The following AGPAT2 variants were observed in gnomAD, a reference collection of about 807,000 sequenced individuals.
AGPAT2 encodes the protein 1-acyl-sn-glycerol-3-phosphate acyltransferase beta.
AGPAT2 carries 18 observed loss-of-function variants against 26.1 expected under a neutral mutation model. The observed-to-expected ratio is 0.69, with a 90% confidence interval of 0.48 to 1.02. AGPAT2 has a LOEUF of 1.02. AGPAT2 is among the 50% of genes least tolerant of loss of function. The pLI is 0.00. For missense variants in AGPAT2, 415 were observed against 394.9 expected, an observed-to-expected ratio of 1.05 and a Z score of -0.43; for synonymous variants, 200 against 174.2, an observed-to-expected ratio of 1.15 and a Z score of -1.16.
Position 136,676,664 on chromosome 9 carries a change from T to C in AGPAT2, c.509A>G (p.Tyr170Cys), listed in dbSNP as rs759686675. Residue 170 changes from tyrosine (Y) to cysteine (C), a missense_variant, in exon 4 of 6, where the codon TAT becomes TGT. Physicochemically the swap from Tyr to Cys is radical, Grantham distance 194. Transcript: ENST00000371696. Reference protein sequence around the residue: ...MVRENLKVWIYPEGTRNDNGD... With the variant: ...MVRENLKVWICPEGTRNDNGD... Reference sequence around the variant, plus strand: ...ATTGTCGTTGCGAGTACCCTCGGGATAGATCCACACTTTGAGCTGCAGGGA... The same window carrying C: ...ATTGTCGTTGCGAGTACCCTCGGGACAGATCCACACTTTGAGCTGCAGGGA... 15 of 1,613,126 alleles carry C rather than the reference T, an allele frequency of 9.3e-6. No individual in the cohort carries two copies. Among genetic ancestry groups the C allele is most frequent in the Admixed American group, 6.7e-5 (4 of 59,988 alleles).
chr9:136,673,999 C>A, intron 5 of AGPAT2, 72 bp from the exon 6 acceptor site: 12 of 1,381,030 alleles, frequency 8.7e-6, no homozygotes, highest in Non-Finnish European at 1.0e-5. Flanking sequence ...GCCCTGGCCT[C>A]GCCTCTCCCC....
At position 136,687,210 on chromosome 9, in the gene AGPAT2, G is replaced by A. The variant is rs770064292; in HGVS notation, c.148C>T (p.Leu50=). Reference sequence around the variant, plus strand: ...TCCACCGTCCGGCCGCCGTGGCGCAGCAGGCAGACGAGCGAGGCCACGGCG... The same window carrying A: ...TCCACCGTCCGGCCGCCGTGGCGCAACAGGCAGACGAGCGAGGCCACGGCG... ...VSAVASLVCL[L]RHGGRTVENM... The change falls in exon 1 of 6, where the codon CTG becomes TTG. Residue 50 remains leucine (L), a synonymous_variant. Transcript: ENST00000371696. The A allele has an allele frequency of 6.3e-7, 1 of 1,591,986 alleles. No individual in the cohort carries two copies. Among genetic ancestry groups the A allele is most frequent in the Non-Finnish European group, 8.5e-7 (1 of 1,173,842 alleles).
rs1564291224 is a variant in AGPAT2, at chr9:136,677,041, CGCCCCCGAGGTACATGATGAGGCCCACGG to C, written c.383_411del (p.Pro128ArgfsTer10). On this transcript the variant is annotated frameshift_variant, in exon 3 of 6. Transcript: ENST00000371696. LOFTEE classifies it high-confidence loss of function. The stretch of plus-strand genomic sequence containing the variant: ...GAGCGCTGCCGGTTGATGAAGAAGA[CGCCCCCGAGGTACATGATGAGGCCCACGG>C]GCCCCAGGAAGAGCAGCTCCCGCTT... The C allele has an allele frequency of 6.2e-7, 1 of 1,613,016 alleles. No homozygotes were observed. The highest frequency in any genetic ancestry group is 2.2e-5 in the East Asian group (1 of 44,860).
At chr9:136,679,269 G>A (rs542148926) in intron 1 of AGPAT2, among the ~76,000 whole-genome samples, 8 of 152,148 alleles carry the variant, frequency 5.3e-5, no homozygotes, top group African/African-American at 1.7e-4. Context: ...CCTTCCATGT[G>A]TGAGCCCAGG....
intron 1 of AGPAT2, 110 bp downstream of exon 1, chr9:136,687,066 G>GGAGCGGGGCGGGAC (rs1846231041): frequency 1.5e-6 from 2 of 1,292,290 alleles, no homozygotes; most frequent in Non-Finnish European, 2.1e-6. Flanking sequence ...CCGGAGCCCC[G>GGAGCGGGGCGGGAC]GAGCGGGGCG....
At chr9:136,674,626 T>C (rs891325607) in intron 5 of AGPAT2, 109 bp downstream of exon 5, 2 of 781,194 alleles carry the variant, frequency 2.6e-6, no homozygotes, top group African/African-American at 3.6e-5. Context: ...GGTCACCGTG[T>C]GGCCACGCCA....
At chr9:136,685,267 A>G (rs956301435) in intron 1 of AGPAT2, among the ~76,000 whole-genome samples, 1 of 152,196 alleles carries the variant, frequency 6.6e-6, no homozygotes, top group Non-Finnish European at 1.5e-5. Context: ...GGAGGGTCCC[A>G]TCCAAGCACC....
At chr9:136,686,753 C>G (rs967693201) in intron 1 of AGPAT2, among the ~76,000 whole-genome samples, 1 of 152,256 alleles carries the variant, frequency 6.6e-6, no homozygotes, top group Non-Finnish European at 1.5e-5. Flanking sequence ...CGTCGTGCGC[C>G]CTGATCAATA....
In AGPAT2 at chr9:136,673,835, T is replaced by C. The variant is rs751303704; in HGVS notation, c.754A>G (p.Met252Val). The C allele has an allele frequency of 1.9e-6, 3 of 1,606,494 alleles. No homozygotes were observed. The South Asian group carries it at 3.3e-5, about 18-fold the overall frequency. ...GAGATGTGGAGGAAGGTGGTCCTCA[T>C]GGCCCGGTGGCAGGTGTCCACGAGC... is the stretch of plus-strand genomic sequence containing the variant. ...PALVDTCHRA[M>V]RTTFLHISKT... Residue 252 changes from methionine to valine, a missense_variant, in exon 6 of 6, where the codon ATG becomes GTG. Physicochemically the swap from Met to Val is conservative, Grantham distance 21 (BLOSUM62 1). Transcript: ENST00000371696.
At chr9:136,687,086 G>T in intron 1 of AGPAT2, 90 bp downstream of exon 1, 1 of 1,413,688 alleles carries the variant, frequency 7.1e-7, no homozygotes, top group Non-Finnish European at 9.4e-7. Flanking sequence ...GGGACGGGCG[G>T]GGCAGGAAGG....
chr9:136,677,518 T>G lies in AGPAT2; in HGVS notation c.221A>C (p.Tyr74Ser). The G allele has an allele frequency of 6.2e-7, 1 of 1,612,882 alleles. No homozygotes were observed. The highest frequency in any genetic ancestry group is 8.5e-7 in the Non-Finnish European group (1 of 1,179,934). The stretch of plus-strand genomic sequence containing the variant: ...GTCCCGCACCTCGAAGCGGAGCCCG[T>G]AAAAGTACTTGAAGCTTCGCACGAA... ...GWFVRSFKYF[Y>S]GLRFEVRDPR... Residue 74 changes from tyrosine to serine, a missense_variant, in exon 2 of 6, where the codon TAC becomes TCC. Tyr to Ser is a moderately radical substitution (Grantham distance 144). Coordinates refer to ENST00000371696, the MANE Select transcript of AGPAT2 (RefSeq NM_006412.4).
At chr9:136,677,276 T>G in intron 2 of AGPAT2, 140 bp from the exon 3 acceptor site, 1 of 1,499,636 alleles carries the variant, frequency 6.7e-7, no homozygotes, top group East Asian at 2.4e-5. Context: ...TCCGAGCCTC[T>G]GTGTCTGGCC....
chr9:136,684,381 G>A (rs1318121698), intron 1 of AGPAT2, among the ~76,000 whole-genome samples: 1 of 152,174 alleles, frequency 6.6e-6, no homozygotes, highest in Non-Finnish European at 1.5e-5. Context: ...CCGTAACTGC[G>A]CACACAGGGA....
chr9:136,681,006 A>T (rs1312627555), intron 1 of AGPAT2, among the ~76,000 whole-genome samples: 1 of 152,154 alleles, frequency 6.6e-6, no homozygotes, highest in Non-Finnish European at 1.5e-5. Flanking sequence ...CCACCTAAAC[A>T]ATATAATTGT....
At chr9:136,684,623 G>A (rs965694289) in intron 1 of AGPAT2, among the ~76,000 whole-genome samples, 1 of 152,194 alleles carries the variant, frequency 6.6e-6, no homozygotes, top group Non-Finnish European at 1.5e-5. Context: ...CCCTCCCAGA[G>A]CTCAGGCCTG....
chr9:136,680,581 G>C lies in AGPAT2; in HGVS notation c.183-3025C>G, dbSNP rs1229795000. Among the ~76,000 whole-genome samples the C allele has an allele frequency of 5.3e-5, 8 of 152,272 alleles. No homozygotes were observed. In the East Asian group the frequency reaches 1.5e-3, roughly 29 times the overall value. On this transcript the variant is annotated intron_variant, in intron 1 of 5. Coordinates refer to ENST00000371696, the MANE Select transcript of AGPAT2 (RefSeq NM_006412.4). ...CTTGGTGATGTAAGATGTTAACAAG[G>C]GAGGAAACTGGTGAGGGCCACATGG...
rs181001355 is a variant in AGPAT2 at position 136,682,323 on chromosome 9, C to T, written c.183-4767G>A. 9.5e-3 allele frequency among the ~76,000 whole-genome samples: 1,443 copies of T among 152,342 alleles called. 29 individuals carry two copies. The highest frequency in any genetic ancestry group is 0.033 in the African/African-American group (1,390 of 41,576). ...AGCCACTGTCCCCAGGCTTCCCCCA[C>T]CAGCTTGCCCAGCCCAGTCCCTGTC... On this transcript the variant is annotated intron_variant, in intron 1 of 5. Transcript: ENST00000371696.
chr9:136,677,916 C>T (rs1206055378), intron 1 of AGPAT2, among the ~76,000 whole-genome samples: 1 of 152,220 alleles, frequency 6.6e-6, no homozygotes, highest in Non-Finnish European at 1.5e-5. Flanking sequence ...CTGGCTCTCA[C>T]GTCCGCTATG....
intron 1 of AGPAT2, among the ~76,000 whole-genome samples, chr9:136,686,362 G>A (rs1394992207): frequency 2.0e-5 from 3 of 152,236 alleles, no homozygotes; most frequent in Admixed American, 2.0e-4. Flanking sequence ...AACAGGGAGA[G>A]GGGGCAGGCA....
Sources: gnomAD v4.1 joint callset for allele counts (sites outside exome capture counted in the v4.1 genomes callset) on GRCh38, gnomAD v4.1.1 for gene constraint, MANE v1.5 for transcripts, NCBI Gene and HGNC (gene_info 2026-07-23, HGNC 2026-07-21) for gene names.